The following PCDHGA7 variants were observed in gnomAD, a reference collection of about 807,000 sequenced individuals.
PCDHGA7 encodes protocadherin gamma subfamily A, 7, also known as protocadherin gamma-A7.
A neutral mutation model predicts 58.3 loss-of-function variants in PCDHGA7; 44 were observed. The observed-to-expected ratio is 0.75, with a 90% confidence interval of 0.59 to 0.97. PCDHGA7 has a LOEUF of 0.97. Among genes scored for constraint, PCDHGA7 ranks in the 50% least tolerant of loss-of-function variants. The pLI is 0.00. For synonymous variants in PCDHGA7, 516 were observed against 504.2 expected (o/e 1.02, Z -0.31); for missense variants, 1,266 against 1,188.7 (o/e 1.06, Z -0.96).
chr5:141,428,117 G>A lies in PCDHGA7; in HGVS notation c.2424+42794G>A, dbSNP rs980705077. 5 of 1,606,984 alleles carry A rather than the reference G, an allele frequency of 3.1e-6. No individual in the cohort carries two copies. The African/African-American group carries it at 6.7e-5, about 21-fold the overall frequency. Reference sequence around the variant, plus strand: ...CCTACCACGTGCTGCAGGCCATCGAGCCCGGGCTTTTCAGCCTGGGGCTGC... The same window carrying A: ...CCTACCACGTGCTGCAGGCCATCGAACCCGGGCTTTTCAGCCTGGGGCTGC... On this transcript the variant is annotated intron_variant, in intron 1 of 3. Coordinates refer to ENST00000518325, the MANE Select transcript of PCDHGA7 (RefSeq NM_018920.4).
rs1271891195 is a variant in PCDHGA7, at chr5:141,477,108, C to A, written c.2425-17699C>A. The A allele has an allele frequency of 2.5e-6, 4 of 1,614,232 alleles. No individual in the cohort carries two copies. Among genetic ancestry groups the A allele is most frequent in the Non-Finnish European group, 2.5e-6 (3 of 1,180,046 alleles). ...CAGGCCAAAGACAAGGGCGCCAATCCCGAAGGAGCACATTGCAAAGTGTTG... is the reference window on the plus strand; with the variant it reads ...CAGGCCAAAGACAAGGGCGCCAATCACGAAGGAGCACATTGCAAAGTGTTG... On this transcript the variant is annotated intron_variant, in intron 1 of 3. Coordinates refer to ENST00000518325, the MANE Select transcript of PCDHGA7 (RefSeq NM_018920.4). The surrounding 1 kb of genome is among the most constrained non-coding windows in gnomAD (Gnocchi z 4.9).
At chr5:141,419,088 T>C in intron 1 of PCDHGA7, 3 of 1,613,940 alleles carry the variant, frequency 1.9e-6, no homozygotes, top group Non-Finnish European at 2.5e-6. Context: ...GATGAGGCCC[T>C]GGATCGGGAG....
rs183549806 is a variant in PCDHGA7 at position 141,487,760 on chromosome 5, G to A, written c.2425-7047G>A. ...TGTAAGAGGTAACTATGTGGTAGAC[G>A]CTGTGCTTTGTAACTGTTTCGTGAA... On this transcript the variant is annotated intron_variant, in intron 1 of 3. Transcript: ENST00000518325. The surrounding 1 kb of genome is among the most constrained non-coding windows in gnomAD (Gnocchi z 5.0). 42 of 1,545,950 alleles carry A rather than the reference G, an allele frequency of 2.7e-5. No homozygotes were observed. The African/African-American group carries it at 3.8e-4, about 14-fold the overall frequency.
intron 1 of PCDHGA7, chr5:141,393,647 A>T: frequency 6.2e-7 from 1 of 1,613,964 alleles, no homozygotes; most frequent in Non-Finnish European, 8.5e-7. Context: ...GAAAAGTGGC[A>T]TACAAATTCC....
intron 1 of PCDHGA7, chr5:141,415,481 A>G: frequency 1.9e-6 from 3 of 1,614,114 alleles, no homozygotes; most frequent in Non-Finnish European, 1.7e-6. Flanking sequence ...GACTCGCGAA[A>G]GAGTCACCTG....
intron 1 of PCDHGA7, chr5:141,422,845 G>A: frequency 6.2e-7 from 1 of 1,614,230 alleles, no homozygotes; most frequent in Non-Finnish European, 8.5e-7. Context: ...TGACAGCGGG[G>A]ACCCGCCCCT....
rs775132338 is a variant in PCDHGA7 at position 141,490,858 on chromosome 5, G to A, written c.2425-3949G>A. On this transcript the variant is annotated intron_variant, in intron 1 of 3. Coordinates refer to ENST00000518325, the MANE Select transcript of PCDHGA7 (RefSeq NM_018920.4). This position sits in a 1 kb window ranked among gnomAD's most constrained non-coding sequence, Gnocchi z 5.4. Reference sequence around the variant, plus strand: ...GATTGTGGTGGGGGTTCGAGACTCCGGCTCTCCCCCATTGCATGCCAACAC... The same window carrying A: ...GATTGTGGTGGGGGTTCGAGACTCCAGCTCTCCCCCATTGCATGCCAACAC... 14 of 1,613,704 alleles carry A rather than the reference G, an allele frequency of 8.7e-6. No homozygotes were observed. Among genetic ancestry groups the A allele is most frequent in the South Asian group, 2.2e-5 (2 of 91,068 alleles).
Position 141,505,229 on chromosome 5 carries a change from G to T in PCDHGA7, c.2484-164G>T, listed in dbSNP as rs116169437. 9.5e-4 allele frequency: 809 copies of T among 847,460 alleles called. 6 individuals carry two copies. In the African/African-American group the frequency reaches 0.013, roughly 13 times the overall value. 52.5% of individuals were successfully genotyped at this position (847,460 alleles called of 1,614,324 possible). ...TGAGGGACTGACTTGTGGGATTCTG[G>T]CTTCTGAAGGATTGTAGAAGTGCCT... On this transcript the variant is annotated intron_variant, in intron 2 of 3. Coordinates refer to ENST00000518325, the MANE Select transcript of PCDHGA7 (RefSeq NM_018920.4).
In PCDHGA7 at chr5:141,414,973, A is replaced by G. The variant is rs533056439; in HGVS notation, c.2424+29650A>G. 1.9e-5 allele frequency: 30 copies of G among 1,613,870 alleles called. No homozygotes were observed. The African/African-American group carries it at 3.7e-4, about 20-fold the overall frequency. Reference sequence around the variant, plus strand: ...GGTGACCAAGGTGGTGGCGGTGGACAGAGACTCCGGCCAGAACGCCTGGCT... The same window carrying G: ...GGTGACCAAGGTGGTGGCGGTGGACGGAGACTCCGGCCAGAACGCCTGGCT... On this transcript the variant is annotated intron_variant, in intron 1 of 3. Transcript: ENST00000518325.
chr5:141,393,959 T>G, intron 1 of PCDHGA7: 1 of 1,613,970 alleles, frequency 6.2e-7, no homozygotes, highest in Non-Finnish European at 8.5e-7. Flanking sequence ...ATGGTCAAGT[T>G]GTCTGTTACA....
intron 1 of PCDHGA7, chr5:141,423,090 G>GT (rs2096707772): frequency 2.5e-6 from 4 of 1,613,904 alleles, no homozygotes; most frequent in African/African-American, 2.7e-5. Flanking sequence ...TCGCGGTGGG[G>GT]GAGCACACGG....
intron 1 of PCDHGA7, chr5:141,394,860 G>C (rs750446579): frequency 5.0e-6 from 8 of 1,613,674 alleles, no homozygotes; most frequent in Non-Finnish European, 5.9e-6. Flanking sequence ...GCCTTCGGTC[G>C]ACCCGAACGA....
intron 1 of PCDHGA7, chr5:141,404,094 A>C: frequency 6.2e-7 from 1 of 1,613,620 alleles, no homozygotes; most frequent in South Asian, 1.1e-5. Context: ...AAGAATGGTC[A>C]AGTTGTCTGT....
Position 141,393,858 on chromosome 5 carries a change from A to G in PCDHGA7, c.2424+8535A>G, listed in dbSNP as rs777304987. The G allele has an allele frequency of 1.2e-5, 20 of 1,613,912 alleles. No homozygotes were observed. Among genetic ancestry groups the G allele is most frequent in the Admixed American group, 8.3e-5 (5 of 60,008 alleles). On this transcript the variant is annotated intron_variant, in intron 1 of 3. Transcript: ENST00000518325. ...AAATGACAATAGACCAGAAGTGATC[A>G]TTACGTCTTTGTTTAGCCCAGTGTT...
intron 1 of PCDHGA7, chr5:141,421,422 C>A (rs908483513): frequency 6.2e-7 from 1 of 1,614,086 alleles, no homozygotes; most frequent in South Asian, 1.1e-5. Flanking sequence ...AGCGCGGAGT[C>A]CGCATCGTCT....
chr5:141,422,140 C>T (rs1275997338), intron 1 of PCDHGA7: 15 of 1,586,774 alleles, frequency 9.5e-6, no homozygotes, highest in Non-Finnish European at 1.3e-5. Flanking sequence ...AGTTCAAGTA[C>T]GGGGGTCTCT....
intron 1 of PCDHGA7, chr5:141,415,732 T>G (rs1159160519): frequency 5.0e-6 from 7 of 1,411,138 alleles, no homozygotes; most frequent in Non-Finnish European, 6.5e-6. Context: ...AATTTGATGT[T>G]TATTAAGGTT....
rs145569377 is a variant in PCDHGA7 at position 141,455,860 on chromosome 5, ATTATTTATTTATTTAT to A, written c.2425-38908_2425-38893del. Among the ~76,000 whole-genome samples, 551 of 139,848 alleles carry A rather than the reference ATTATTTATTTATTTAT, an allele frequency of 3.9e-3. 2 individuals carry two copies. The highest frequency in any genetic ancestry group is 9.7e-3 in the South Asian group (42 of 4,344). The allele number at this position is 139,848 out of a possible 152,430, so 91.7% of individuals were successfully genotyped here. ...CTATCTGCATAAAATAATTTCTTTTATTATTTATTTATTTATTTATTTATTTATTTATTTATTTATT... is the reference window on the plus strand; with the variant it reads ...CTATCTGCATAAAATAATTTCTTTTATTATTTATTTATTTATTTATTTATT... On this transcript the variant is annotated intron_variant, in intron 1 of 3. Transcript: ENST00000518325.
chr5:141,388,647 G>A lies in PCDHGA7; in HGVS notation c.2424+3324G>A, dbSNP rs778996768. ...ATACAGGGTGAGCCTTTCAGAAAAC[G>A]TGTACCCGGGGACCACGGTGCTACA... On this transcript the variant is annotated intron_variant, in intron 1 of 3. Coordinates refer to ENST00000518325, the MANE Select transcript of PCDHGA7 (RefSeq NM_018920.4). The A allele has an allele frequency of 6.8e-6, 11 of 1,613,892 alleles. No homozygotes were observed. The Admixed American group carries it at 1.0e-4, about 15-fold the overall frequency.
Sources: allele counts gnomAD v4.1 joint callset (sites outside exome capture counted in the v4.1 genomes callset), GRCh38; gene constraint gnomAD v4.1.1; non-coding constraint Gnocchi (gnomAD v3.1); transcripts MANE v1.5; gene names NCBI Gene and HGNC (gene_info 2026-07-23, HGNC 2026-07-21).